Variants in ELOVL7 observed in about 807,000 individuals in gnomAD.
ELOVL7 encodes the protein very long chain fatty acid elongase 7.
In ELOVL7, 27 loss-of-function variants were observed where a neutral mutation model predicts 35.7. The observed-to-expected ratio is 0.76, with a 90% CI of 0.56 to 1.04. The LOEUF is 1.04. Ranked by LOEUF, ELOVL7 falls within the 50% of genes least tolerant of loss-of-function variation. The pLI, the probability that ELOVL7 is intolerant of heterozygous loss-of-function variation, is 0.00. For missense variants in ELOVL7, 327 were observed against 340.8 expected, an observed-to-expected ratio of 0.96 and a Z score of 0.32; for synonymous variants, 113 against 114.6, an observed-to-expected ratio of 0.99 and a Z score of 0.09.
At chr5:60,825,812 A>G (rs1171876304) in intron 1 of ELOVL7, among the ~76,000 whole-genome samples, 3 of 152,270 alleles carry the variant, frequency 2.0e-5, no homozygotes, top group African/African-American at 4.8e-5. Context: ...TAGAAAGGCT[A>G]TAATACCCAG....
At chr5:60,835,948 G>C (rs1746772678) in intron 1 of ELOVL7, among the ~76,000 whole-genome samples, 1 of 152,002 alleles carries the variant, frequency 6.6e-6, no homozygotes, top group Non-Finnish European at 1.5e-5. Context: ...GGAGAAGGAA[G>C]AAGACTACTA....
chr5:60,780,094 T>TAGTAAGTTCC (rs2112211212), intron 3 of ELOVL7, among the ~76,000 whole-genome samples: 1 of 151,482 alleles, frequency 6.6e-6, no homozygotes. Flanking sequence ...AACAAGTCTC[T>TAGTAAGTTCC]AGTAAGTTCC....
At chr5:60,799,906 G>A (rs944599974) in intron 1 of ELOVL7, among the ~76,000 whole-genome samples, 6 of 150,944 alleles carry the variant, frequency 4.0e-5, no homozygotes, top group South Asian at 2.1e-4. Flanking sequence ...GCATGGTGGC[G>A]CATGCCTGTA....
intron 1 of ELOVL7, among the ~76,000 whole-genome samples, chr5:60,806,906 A>T (rs1200427319): frequency 6.6e-6 from 1 of 152,256 alleles, no homozygotes; most frequent in Non-Finnish European, 1.5e-5. Flanking sequence ...AAAGAAAAAT[A>T]AATGGTCAAA....
rs575001308 is a variant in ELOVL7 at position 60,835,690 on chromosome 5, G to C, written c.-86+8470C>G. 1.3e-5 allele frequency among the ~76,000 whole-genome samples: 2 copies of C among 152,122 alleles called. 1 individual carries two copies. The highest frequency in any genetic ancestry group is 4.8e-5 in the African/African-American group (2 of 41,404). ...GGCTTCTCAAAGTGGTGGGATTACA[G>C]GCGTGAGCCACTGCACCCAGCCATC... On this transcript the variant is annotated intron_variant, in intron 1 of 8. Coordinates refer to ENST00000508821, the MANE Select transcript of ELOVL7 (RefSeq NM_024930.3).
intron 1 of ELOVL7, among the ~76,000 whole-genome samples, chr5:60,800,030 C>CAAAAAAAAAAA: frequency 1.2e-5 from 1 of 86,206 alleles, no homozygotes; most frequent in Non-Finnish European, 2.2e-5. Flanking sequence ...AACTCCATCT[C>CAAAAAAAAAAA]AAAAAAAAAA....
Position 60,753,120 on chromosome 5 carries a change from T to C in ELOVL7, c.*1504A>G, listed in dbSNP as rs1409764513. The C allele has an allele frequency of 6.6e-6, 1 of 152,012 alleles. No homozygotes were observed. The highest frequency in any genetic ancestry group is 1.5e-5 in the Non-Finnish European group (1 of 68,006). 9.4% of individuals were successfully genotyped at this position (152,012 alleles called of 1,614,324 possible). The stretch of plus-strand genomic sequence containing the variant: ...CTGTACACAGAGTACAATAAGTATC[T>C]CTGTGTGTTCAAAATTAACTGGGGC... On this transcript the variant is annotated 3_prime_UTR_variant, in exon 9 of 9. Transcript: ENST00000508821.
chr5:60,775,453 T>C (rs1208548824), intron 3 of ELOVL7, among the ~76,000 whole-genome samples: 1 of 105,112 alleles, frequency 9.5e-6, no homozygotes, highest in Non-Finnish European at 1.7e-5. Flanking sequence ...ACCAATGTTA[T>C]TTTTTACAAA....
At chr5:60,839,486 G>T (rs370093994) in intron 1 of ELOVL7, among the ~76,000 whole-genome samples, 3 of 152,212 alleles carry the variant, frequency 2.0e-5, no homozygotes, top group African/African-American at 7.2e-5. Context: ...TCAAAGACCA[G>T]TGATATAAAA....
rs1285977629 is a variant in ELOVL7 at position 60,754,533 on chromosome 5, A to C, written c.*91T>G. The stretch of plus-strand genomic sequence containing the variant: ...ATAAAAATACAAGCTCTTAGTTTTG[A>C]AAAATATACAAAATGCACTGCATAG... On this transcript the variant is annotated 3_prime_UTR_variant, in exon 9 of 9. Transcript: ENST00000508821. 8.3e-7 allele frequency: 1 copy of C among 1,199,402 alleles called. No individual in the cohort carries two copies. Among genetic ancestry groups the C allele is most frequent in the African/African-American group, 1.5e-5 (1 of 64,786 alleles). The allele number at this position is 1,199,402 out of a possible 1,614,324, so 74.3% of individuals were successfully genotyped here.
chr5:60,762,044 T>A (rs1741949920), intron 7 of ELOVL7, among the ~76,000 whole-genome samples: 2 of 152,046 alleles, frequency 1.3e-5, no homozygotes, highest in African/African-American at 2.4e-5. Flanking sequence ...GAATTCCACA[T>A]GTAAGACTGA....
chr5:60,764,530 G>A (rs1043640348), intron 6 of ELOVL7, among the ~76,000 whole-genome samples, 198 bp from the exon 7 acceptor site: 3 of 152,004 alleles, frequency 2.0e-5, no homozygotes, highest in African/African-American at 4.8e-5. Flanking sequence ...ACTTAGGTAC[G>A]ACGCCTATAC....
intron 3 of ELOVL7, among the ~76,000 whole-genome samples, chr5:60,780,406 C>T (rs1036037275): frequency 2.6e-5 from 4 of 152,152 alleles, no homozygotes; most frequent in African/African-American, 9.7e-5. Flanking sequence ...AGGCATGAGT[C>T]ACGGCGCCCG....
chr5:60,807,765 C>T (rs1053164310), intron 1 of ELOVL7, among the ~76,000 whole-genome samples: 10 of 151,552 alleles, frequency 6.6e-5, no homozygotes, highest in African/African-American at 1.5e-4. Flanking sequence ...TTTGGGAGGC[C>T]GAGGCAGGTG....
intron 1 of ELOVL7, among the ~76,000 whole-genome samples, chr5:60,830,796 C>A (rs1006234858): frequency 6.6e-6 from 1 of 152,124 alleles, no homozygotes; most frequent in Non-Finnish European, 1.5e-5. Flanking sequence ...TCTTGTGAAA[C>A]TGAAACTCTC....
intron 1 of ELOVL7, among the ~76,000 whole-genome samples, chr5:60,832,647 C>G (rs951685630): frequency 1.1e-4 from 16 of 152,196 alleles, no homozygotes; most frequent in African/African-American, 3.9e-4. Flanking sequence ...TACAGGCGTG[C>G]GCCATCGCGC....
chr5:60,814,684 C>T (rs991282720), intron 1 of ELOVL7, among the ~76,000 whole-genome samples: 5 of 152,100 alleles, frequency 3.3e-5, no homozygotes, highest in African/African-American at 4.8e-5. Context: ...AGGAACTTGC[C>T]CCAGATCACA....
In ELOVL7 at chr5:60,766,604, G is replaced by T. The variant is rs1363190589; in HGVS notation, c.363C>A (p.Tyr121Ter). 6.2e-7 allele frequency: 1 copy of T among 1,612,864 alleles called. No individual in the cohort carries two copies. Among genetic ancestry groups the T allele is most frequent in the African/African-American group, 1.3e-5 (1 of 74,892 alleles). Residue 121 changes from tyrosine to a stop codon, truncating the protein, a stop_gained, in exon 6 of 9, where the codon TAC (tyrosine) becomes TAA (stop). Transcript: ENST00000508821. LOFTEE classifies it high-confidence loss of function. ...LRMARTCWLY[Y>*]FSKFIELLDT... is the part of the protein sequence containing the mutation. ...CTAATAGCTCAATAAATTTGGAGAA[G>T]TAATAAAGCCAGCAGGTACGTGCCA...
chr5:60,829,099 A>G (rs1038397621), intron 1 of ELOVL7, among the ~76,000 whole-genome samples: 35 of 152,132 alleles, frequency 2.3e-4, no homozygotes, highest in Admixed American at 1.2e-3. Flanking sequence ...AATTTCTATA[A>G]TAAGAGTTTT....
Sources: gnomAD v4.1 joint callset for allele counts (sites outside exome capture counted in the v4.1 genomes callset) on GRCh38, gnomAD v4.1.1 for gene constraint, MANE v1.5 for transcripts, NCBI Gene and HGNC (gene_info 2026-07-23, HGNC 2026-07-21) for gene names.